Variants in DNAAF10 observed in about 807,000 individuals in gnomAD.
DNAAF10 encodes the protein dynein axonemal assembly factor 10.
DNAAF10 carries 28 observed loss-of-function variants against 43.7 expected under a neutral mutation model. The observed-to-expected ratio is 0.64, with a 90% confidence interval of 0.48 to 0.88. The LOEUF is 0.88. Ranked by LOEUF, DNAAF10 falls within the 40% of genes least tolerant of loss-of-function variation. The probability of loss-of-function intolerance (pLI) is 0.00; values close to 1 mark genes in which losing one functional copy is unlikely to be tolerated. For missense variants in DNAAF10, 403 were observed against 439.1 expected (o/e 0.92, Z 0.73); for synonymous variants, 156 against 157.3 (o/e 0.99, Z 0.06).
intron 7 of DNAAF10, 80 bp from the exon 8 acceptor site, chr2:68,131,525 T>C: frequency 3.7e-6 from 5 of 1,346,562 alleles, no homozygotes; most frequent in Non-Finnish European, 5.2e-6. Context: ...CTTCAATGAC[T>C]CTATTTCTCA....
At chr2:68,149,411 T>C (rs1461836881) in intron 1 of DNAAF10, among the ~76,000 whole-genome samples, 4 of 152,202 alleles carry the variant, frequency 2.6e-5, no homozygotes, top group Non-Finnish European at 5.9e-5. Flanking sequence ...AAAGACCCTA[T>C]TGATGAGAAG....
At position 68,139,220 on chromosome 2, in the gene DNAAF10, T is replaced by A. The variant is rs370672220; in HGVS notation, c.518-363A>T. Among the ~76,000 whole-genome samples the A allele has an allele frequency of 9.2e-5, 14 of 152,150 alleles. No individual in the cohort carries two copies. In the South Asian group the frequency reaches 2.3e-3, roughly 25 times the overall value. On this transcript the variant is annotated intron_variant, in intron 4 of 7. Coordinates refer to ENST00000295121, the MANE Select transcript of DNAAF10 (RefSeq NM_138458.4). ...TGGTAATGAGTTTTCGCTCTTCTAG[T>A]TCATGTGAGGTCTGGTTGTTAAAGA...
rs370539053 is a variant in DNAAF10, at chr2:68,134,484, C to T, written c.866+218G>A. 2.5e-4 allele frequency: 329 copies of T among 1,342,706 alleles called. 3 individuals carry two copies. In the East Asian group the frequency reaches 5.1e-3, roughly 21 times the overall value. 83.2% of individuals were successfully genotyped at this position (1,342,706 alleles called of 1,614,324 possible). Reference sequence around the variant, plus strand: ...TAGAAGACACAACTAAAATGATATACTAAAATGTATCAAAAGAAGATTAGT... The same window carrying T: ...TAGAAGACACAACTAAAATGATATATTAAAATGTATCAAAAGAAGATTAGT... On this transcript the variant is annotated intron_variant, in intron 7 of 7. Transcript: ENST00000295121.
At chr2:68,148,408 C>T (rs13426365) in intron 1 of DNAAF10, among the ~76,000 whole-genome samples, 3,748 of 152,250 alleles carry the variant, frequency 0.025, 135 homozygotes, top group African/African-American at 0.082. Context: ...CCTCAAAAAG[C>T]TAACAACTCA....
At chr2:68,144,312 A>G (rs998760268) in intron 3 of DNAAF10, among the ~76,000 whole-genome samples, 6 of 152,242 alleles carry the variant, frequency 3.9e-5, no homozygotes, top group African/African-American at 1.4e-4. Context: ...AAATCCTTCA[A>G]GGTTCAGAGG....
chr2:68,133,087 A>T (rs1672958239), intron 7 of DNAAF10, among the ~76,000 whole-genome samples: 1 of 152,186 alleles, frequency 6.6e-6, no homozygotes, highest in Non-Finnish European at 1.5e-5. Context: ...GGAGACCGGG[A>T]TGGAAGAATC....
intron 1 of DNAAF10, among the ~76,000 whole-genome samples, chr2:68,154,586 G>A (rs1051038170): frequency 6.6e-6 from 1 of 152,098 alleles, no homozygotes; most frequent in African/African-American, 2.4e-5. Context: ...TTGAGATTAT[G>A]GGTGATATTT....
rs753770709 is a variant in DNAAF10, at chr2:68,134,592, T to A, written c.866+110A>T. 2.0e-4 allele frequency: 304 copies of A among 1,539,512 alleles called. 1 individual carries two copies. Among genetic ancestry groups the A allele is most frequent in the Non-Finnish European group, 2.6e-4 (300 of 1,154,596 alleles). ...TAACACCATGAAATTTTAAATCATA[T>A]CAAAATGAACTAAGTCAAAGCAGGA... On this transcript the variant is annotated intron_variant, in intron 7 of 7. Coordinates refer to ENST00000295121, the MANE Select transcript of DNAAF10 (RefSeq NM_138458.4).
chr2:68,155,520 A>G (rs1372080091), intron 1 of DNAAF10, among the ~76,000 whole-genome samples: 1 of 151,796 alleles, frequency 6.6e-6, no homozygotes, highest in Admixed American at 6.6e-5. Flanking sequence ...GAAAGAAAAG[A>G]AAAAGGAATA....
In DNAAF10 at chr2:68,157,231, G is replaced by C. The variant is rs766475683; in HGVS notation, c.183+30C>G. Reference sequence around the variant, plus strand: ...CCCAGGATCCGCACTCGCCCCCAACGGCAGTCCGGATCCTCGACCCGGCAC... The same window carrying C: ...CCCAGGATCCGCACTCGCCCCCAACCGCAGTCCGGATCCTCGACCCGGCAC... On this transcript the variant is annotated intron_variant, in intron 1 of 7. Transcript: ENST00000295121. 6.3e-6 allele frequency: 10 copies of C among 1,596,032 alleles called. No individual in the cohort carries two copies. The South Asian group carries it at 1.0e-4, about 16-fold the overall frequency.
chr2:68,155,877 G>A (rs1421834542), intron 1 of DNAAF10, among the ~76,000 whole-genome samples: 1 of 151,958 alleles, frequency 6.6e-6, no homozygotes, highest in Non-Finnish European at 1.5e-5. Context: ...TAGGCAGACT[G>A]CTTGAGCCCA....
At chr2:68,131,701 G>A (rs1672934437) in intron 7 of DNAAF10, 1 of 392,676 alleles carries the variant, frequency 2.5e-6, no homozygotes, top group Non-Finnish European at 4.7e-6. Context: ...ACGTGTATCT[G>A]TATTTTCTCT....
chr2:68,135,852 G>A (rs2103884034), intron 6 of DNAAF10, among the ~76,000 whole-genome samples: 1 of 152,270 alleles, frequency 6.6e-6, no homozygotes, highest in Non-Finnish European at 1.5e-5. Context: ...GAGGGGAAAT[G>A]ACCTCTTAAA....
chr2:68,134,257 T>A (rs957538925), intron 7 of DNAAF10: 7 of 999,670 alleles, frequency 7.0e-6, no homozygotes, highest in Non-Finnish European at 8.3e-6. Context: ...TAACTCACCC[T>A]GCCTAGATAT....
chr2:68,144,834 G>A (rs1002619768), intron 2 of DNAAF10, 119 bp from the exon 3 acceptor site: 3 of 1,317,218 alleles, frequency 2.3e-6, no homozygotes, highest in Non-Finnish European at 3.0e-6. Flanking sequence ...GTTTTGCTAT[G>A]AAGATAGTTT....
chr2:68,138,910 G>A, intron 4 of DNAAF10, 53 bp from the exon 5 acceptor site: 4 of 1,327,734 alleles, frequency 3.0e-6, no homozygotes, highest in Non-Finnish European at 4.3e-6. Flanking sequence ...CCTTATAAAG[G>A]CTGCTTTAAA....
chr2:68,134,468 C>G, intron 7 of DNAAF10: 1 of 1,300,510 alleles, frequency 7.7e-7, no homozygotes, highest in South Asian at 1.8e-5. Context: ...TTAGAAGACA[C>G]AACTAAAATG....
At chr2:68,142,062 A>C (rs1165671350) in intron 3 of DNAAF10, among the ~76,000 whole-genome samples, 1 of 152,234 alleles carries the variant, frequency 6.6e-6, no homozygotes, top group East Asian at 1.9e-4. Flanking sequence ...ACGAGTGATG[A>C]CTGACAAGGC....
In DNAAF10 at chr2:68,137,329, T is replaced by G. The variant is rs776935516; in HGVS notation, c.738A>C (p.Pro246=). The change falls in exon 6 of 8, where the codon CCA becomes CCC. Residue 246 remains proline, a synonymous_variant. Transcript: ENST00000295121. ...CTGAAACAGAGGCAAAACCTTTGGT[T>G]GGATGCTGTGTTCTCATGTCAAAAA... is the stretch of plus-strand genomic sequence containing the variant. ...FHVFDMRTQH[P]TKGFASVSEK... 2 of 1,612,690 alleles carry G rather than the reference T, an allele frequency of 1.2e-6. No individual in the cohort carries two copies. The highest frequency in any genetic ancestry group is 1.1e-5 in the South Asian group (1 of 90,690).
Sources: gnomAD v4.1 joint callset for allele counts (sites outside exome capture counted in the v4.1 genomes callset) on GRCh38, gnomAD v4.1.1 for gene constraint, MANE v1.5 for transcripts, NCBI Gene and HGNC (gene_info 2026-07-23, HGNC 2026-07-21) for gene names.